Variants in CALB1 observed in about 807,000 individuals in gnomAD.
CALB1 encodes the protein calbindin.
A neutral mutation model predicts 46.7 loss-of-function variants in CALB1; 16 were observed. That is an observed-to-expected ratio of 0.34 (90% CI 0.23 to 0.52). CALB1 has a LOEUF of 0.52. Among genes scored for constraint, CALB1 ranks in the 20% least tolerant of loss-of-function variants. The pLI, the probability that CALB1 is intolerant of heterozygous loss-of-function variation, is 0.95. For synonymous variants in CALB1, 90 were observed against 112.8 expected (o/e 0.80, Z 1.28); for missense variants, 224 against 300.3 (o/e 0.75, Z 1.88).
chr8:90,076,576 G>C (rs779508103), intron 3 of CALB1, among the ~76,000 whole-genome samples: 1 of 151,786 alleles, frequency 6.6e-6, no homozygotes, highest in Non-Finnish European at 1.5e-5. Context: ...TGCTATAAAA[G>C]CTTCTCACTT....
chr8:90,068,538 C>T (rs1814441033), intron 5 of CALB1, among the ~76,000 whole-genome samples: 1 of 152,170 alleles, frequency 6.6e-6, no homozygotes, highest in Non-Finnish European at 1.5e-5. Context: ...TCTCTCAACT[C>T]TTCCTCAATG....
At chr8:90,062,298 AT>A (rs1202174832) in intron 9 of CALB1, 1 of 152,098 alleles carries the variant, frequency 6.6e-6, no homozygotes, top group Admixed American at 6.6e-5. Flanking sequence ...TATTGTGGAT[AT>A]GAAACCATAA....
chr8:90,062,273 T>C (rs987151428), intron 9 of CALB1: 8 of 152,004 alleles, frequency 5.3e-5, no homozygotes, highest in South Asian at 4.1e-4. Flanking sequence ...TTTATGACAT[T>C]GTTCTTAGCA....
intron 3 of CALB1, among the ~76,000 whole-genome samples, chr8:90,073,887 A>G (rs746533350): frequency 3.9e-5 from 6 of 152,214 alleles, no homozygotes; most frequent in Non-Finnish European, 7.3e-5. Context: ...AGTTGTGAGG[A>G]GAGTATACAT....
intron 2 of CALB1, chr8:90,081,363 T>A: frequency 3.0e-6 from 1 of 336,234 alleles, no homozygotes; most frequent in Non-Finnish European, 4.2e-6. Context: ...GAAATGAAGA[T>A]CTTTTCTTGC....
intron 6 of CALB1, chr8:90,064,315 T>C (rs551671321): frequency 1.3e-5 from 2 of 151,768 alleles, no homozygotes; most frequent in Non-Finnish European, 3.0e-5. Context: ...CAGGATCCCA[T>C]GCTGACAAAA....
intron 5 of CALB1, among the ~76,000 whole-genome samples, chr8:90,067,158 G>T (rs867568444): frequency 1.8e-4 from 28 of 152,174 alleles, no homozygotes; most frequent in African/African-American, 6.7e-4. Context: ...GACTAAAATG[G>T]TGGTCACAAA....
intron 3 of CALB1, among the ~76,000 whole-genome samples, chr8:90,072,167 C>T (rs1814536346): frequency 6.6e-6 from 1 of 151,694 alleles, no homozygotes; most frequent in East Asian, 1.9e-4. Context: ...TCACTGAATA[C>T]ATAAAAACAG....
At chr8:90,068,974 T>C (rs1314356126) in intron 5 of CALB1, 24 bp downstream of exon 5, 1 of 1,573,126 alleles carries the variant, frequency 6.4e-7, no homozygotes, top group Non-Finnish European at 8.7e-7. Flanking sequence ...AGGAAAAACT[T>C]AGTACAAGTT....
At chr8:90,082,135 T>C (rs1265295840) in intron 1 of CALB1, 33 bp from the exon 2 acceptor site, 2 of 1,561,154 alleles carry the variant, frequency 1.3e-6, no homozygotes, top group East Asian at 2.2e-5. Context: ...AGGTGTCAGA[T>C]ATCTCATTCC....
At chr8:90,069,383 T>C in intron 3 of CALB1, 146 bp from the exon 4 acceptor site, 1 of 656,546 alleles carries the variant, frequency 1.5e-6, no homozygotes, top group Non-Finnish European at 2.8e-6. Context: ...CGGCTTTCCC[T>C]TTCTGGTACT....
rs1265537595 is a variant in CALB1, at chr8:90,058,939, A to G, written c.*1234T>C. 1 of 152,226 alleles carries G rather than the reference A, an allele frequency of 6.6e-6. No individual in the cohort carries two copies. The highest frequency in any genetic ancestry group is 1.5e-5 in the Non-Finnish European group (1 of 68,040). The allele number at this position is 152,226 out of a possible 1,614,324, so 9.4% of individuals were successfully genotyped here. A position where few individuals can be genotyped will look rare whatever the true frequency, so the allele number is the denominator to read the frequency against. ...CCCTGTTTCACAATCAAAGAAATCT[A>G]AAATCACCAACTGTTACATATCAAC... On this transcript the variant is annotated 3_prime_UTR_variant, in exon 11 of 11. Coordinates refer to ENST00000265431, the MANE Select transcript of CALB1 (RefSeq NM_004929.4).
chr8:90,072,177 G>GA (rs1003385737), intron 3 of CALB1, among the ~76,000 whole-genome samples: 65 of 151,432 alleles, frequency 4.3e-4, no homozygotes, highest in African/African-American at 1.5e-3. Context: ...CATAAAAACA[G>GA]AAAAAAACAA....
chr8:90,065,757 T>G, intron 6 of CALB1, 141 bp downstream of exon 6: 1 of 600,282 alleles, frequency 1.7e-6, no homozygotes, highest in Non-Finnish European at 3.0e-6. Context: ...GTATTTCACT[T>G]TTCAAATGAA....
chr8:90,065,823 T>G, intron 6 of CALB1, 75 bp downstream of exon 6: 3 of 895,772 alleles, frequency 3.3e-6, no homozygotes, highest in Non-Finnish European at 5.6e-6. Context: ...TCATCCTGTG[T>G]AGCCTTGGGA....
intron 3 of CALB1, among the ~76,000 whole-genome samples, chr8:90,070,953 C>A (rs146463592): frequency 6.6e-6 from 1 of 151,352 alleles, no homozygotes; most frequent in African/African-American, 2.4e-5. Context: ...CCTTTGAATA[C>A]TTGAATCATA....
At chr8:90,082,124 C>T (rs1446430792) in intron 1 of CALB1, 22 bp from the exon 2 acceptor site, 1 of 1,599,380 alleles carries the variant, frequency 6.3e-7, no homozygotes, top group Non-Finnish European at 8.6e-7. Flanking sequence ...AAGAGGCACC[C>T]AGGTGTCAGA....
intron 3 of CALB1, among the ~76,000 whole-genome samples, 189 bp from the exon 4 acceptor site, chr8:90,069,426 C>T (rs77874164): frequency 0.011 from 1,623 of 152,276 alleles, 30 homozygotes; most frequent in African/African-American, 0.036. Context: ...CTCCAACGCT[C>T]GTGTGCCCTT....
chr8:90,082,518 A>G (rs1468463536), intron 1 of CALB1, 101 bp downstream of exon 1: 5 of 951,130 alleles, frequency 5.3e-6, no homozygotes, highest in Non-Finnish European at 5.2e-6. Context: ...AGTAAAGAAT[A>G]GAAAGGAGGG....
Sources: allele counts gnomAD v4.1 joint callset (sites outside exome capture counted in the v4.1 genomes callset), GRCh38; gene constraint gnomAD v4.1.1; transcripts MANE v1.5; gene names NCBI Gene and HGNC (gene_info 2026-07-23, HGNC 2026-07-21).